The following EPB41L2 variants were observed in gnomAD, a reference collection of about 807,000 sequenced individuals.
EPB41L2 encodes erythrocyte membrane protein band 4.1 like 2.
In EPB41L2, 43 loss-of-function variants were observed where a neutral mutation model predicts 113.0. That is an observed-to-expected ratio of 0.38 (90% CI 0.30 to 0.49). EPB41L2 has a LOEUF of 0.49. EPB41L2 is among the 20% of genes least tolerant of loss of function. EPB41L2 has a pLI of 0.95. For synonymous variants in EPB41L2, 442 were observed against 436.7 expected (o/e 1.01, Z -0.15); for missense variants, 1,147 against 1,223.4 (o/e 0.94, Z 0.93).
chr6:130,961,469 G>A (rs906481315), intron 1 of EPB41L2, among the ~76,000 whole-genome samples: 1 of 152,140 alleles, frequency 6.6e-6, no homozygotes, highest in Non-Finnish European at 1.5e-5. Context: ...AAAAAAGGAG[G>A]TAAATTCTAA....
chr6:130,929,196 A>G (rs1380265032), intron 3 of EPB41L2, among the ~76,000 whole-genome samples: 1 of 152,240 alleles, frequency 6.6e-6, no homozygotes, highest in East Asian at 1.9e-4. Context: ...ACAAAGTGCT[A>G]TCAGAACACC....
intron 18 of EPB41L2, among the ~76,000 whole-genome samples, chr6:130,860,338 C>A (rs1376482264): frequency 6.6e-6 from 1 of 152,220 alleles, no homozygotes; most frequent in Non-Finnish European, 1.5e-5. Flanking sequence ...GAAATACACT[C>A]TAATTCACAG....
chr6:131,050,736 C>T (rs1022977438), intron 1 of EPB41L2, among the ~76,000 whole-genome samples: 11 of 152,208 alleles, frequency 7.2e-5, no homozygotes, highest in African/African-American at 2.7e-4. Context: ...TTACTCTAAT[C>T]CCCAAATCAT....
chr6:130,899,441 C>A (rs772562271), intron 8 of EPB41L2, 50 bp downstream of exon 8: 1 of 1,494,876 alleles, frequency 6.7e-7, no homozygotes, highest in Non-Finnish European at 9.3e-7. Context: ...CCTCTCAAAA[C>A]CTCAGTCAAC....
intron 3 of EPB41L2, among the ~76,000 whole-genome samples, chr6:130,938,710 A>G (rs146584404): frequency 1.3e-5 from 2 of 152,260 alleles, no homozygotes; most frequent in African/African-American, 4.8e-5. Context: ...CTTGGCTTCA[A>G]TAGTGAAATT....
chr6:130,958,987 C>T (rs183337640), intron 1 of EPB41L2, among the ~76,000 whole-genome samples: 3 of 152,164 alleles, frequency 2.0e-5, no homozygotes, highest in Non-Finnish European at 4.4e-5. Context: ...TTGATCTGAT[C>T]TCTGGTTGAT....
At chr6:130,987,192 G>C (rs1780763974) in intron 1 of EPB41L2, among the ~76,000 whole-genome samples, 1 of 152,196 alleles carries the variant, frequency 6.6e-6, no homozygotes, top group South Asian at 2.1e-4. Context: ...GAACATCCGT[G>C]TATAATTTAT....
At chr6:131,043,573 T>C (rs1432853539) in intron 1 of EPB41L2, among the ~76,000 whole-genome samples, 3 of 151,704 alleles carry the variant, frequency 2.0e-5, no homozygotes, top group East Asian at 3.9e-4. Flanking sequence ...ACAACAAAAA[T>C]TGCAAGGAAA....
intron 12 of EPB41L2, chr6:130,880,869 T>A (rs1236165768): frequency 1.0e-5 from 2 of 195,858 alleles, no homozygotes; most frequent in African/African-American, 4.6e-5. Context: ...TATAATGATG[T>A]AAAATTCGTT....
intron 3 of EPB41L2, among the ~76,000 whole-genome samples, chr6:130,927,533 T>C (rs1805172968): frequency 6.6e-6 from 1 of 152,234 alleles, no homozygotes; most frequent in South Asian, 2.1e-4. Flanking sequence ...GGTGCACTGA[T>C]AAAAGCCACC....
At chr6:130,893,760 G>A (rs1793708963) in intron 10 of EPB41L2, among the ~76,000 whole-genome samples, 1 of 152,220 alleles carries the variant, frequency 6.6e-6, no homozygotes, top group Non-Finnish European at 1.5e-5. Context: ...GAAGGTAAAT[G>A]TGCAAAGAGG....
intron 1 of EPB41L2, among the ~76,000 whole-genome samples, chr6:130,969,083 G>A (rs149066672): frequency 2.6e-4 from 39 of 152,112 alleles, no homozygotes; most frequent in East Asian, 1.7e-3. Flanking sequence ...TATATCATCC[G>A]TACAGGAACA....
chr6:130,867,898 T>C (rs558976886), intron 15 of EPB41L2: 57 of 345,552 alleles, frequency 1.6e-4, no homozygotes, highest in Admixed American at 8.1e-4. Flanking sequence ...TAAATTAAGA[T>C]GGTCCCAAAC....
intron 1 of EPB41L2, chr6:131,062,303 G>A (rs1798826407): frequency 6.6e-6 from 1 of 151,856 alleles, no homozygotes; most frequent in Non-Finnish European, 1.5e-5. Context: ...GTCTGCGCCT[G>A]GGGATGGCGT....
intron 4 of EPB41L2, among the ~76,000 whole-genome samples, chr6:130,923,285 A>C (rs965132315): frequency 1.3e-5 from 2 of 152,170 alleles, no homozygotes; most frequent in African/African-American, 4.8e-5. Context: ...GCCACCCATC[A>C]ACCAAAGTGA....
intron 1 of EPB41L2, among the ~76,000 whole-genome samples, chr6:130,965,658 A>AAAAG (rs1211015961): frequency 7.1e-6 from 1 of 140,444 alleles, no homozygotes. Flanking sequence ...AAAAAAAAAA[A>AAAAG]AAAGAAAGAA....
chr6:130,901,158 G>A lies in EPB41L2; in HGVS notation c.952C>T (p.Arg318Trp), dbSNP rs368404368. ...ITRYFLCLQL[R>W]QDIASGRLPC... ...AGGCGGCCAGAGGCAATGTCCTGCC[G>A]GAGCTGAAGGCACAAGAAGTATCTG... The change falls in exon 7 of 20, where the codon CGG becomes TGG. Residue 318 changes from arginine to tryptophan, a missense_variant. Physicochemically the swap from Arg to Trp is moderately radical, Grantham distance 101. Coordinates refer to ENST00000337057, the MANE Select transcript of EPB41L2 (RefSeq NM_001431.4). The A allele has an allele frequency of 3.3e-5, 54 of 1,613,556 alleles. No homozygotes were observed. The highest frequency in any genetic ancestry group is 8.3e-5 in the Admixed American group (5 of 59,996).
rs1562439219 is a variant in EPB41L2 at position 130,901,183 on chromosome 6, G to T, written c.930-3C>A. ...GGAGCTGAAGGCACAAGAAGTATCTGTGAGGAGCAGAGGGAGAAATGGGTC... is the reference window on the plus strand; with the variant it reads ...GGAGCTGAAGGCACAAGAAGTATCTTTGAGGAGCAGAGGGAGAAATGGGTC... On this transcript the variant is annotated splice_polypyrimidine_tract_variant and splice_region_variant and intron_variant, in intron 6 of 19. Coordinates refer to ENST00000337057, the MANE Select transcript of EPB41L2 (RefSeq NM_001431.4). The T allele has an allele frequency of 6.2e-7, 1 of 1,612,734 alleles. No homozygotes were observed. Among genetic ancestry groups the T allele is most frequent in the Non-Finnish European group, 8.5e-7 (1 of 1,179,810 alleles).
intron 1 of EPB41L2, among the ~76,000 whole-genome samples, chr6:130,968,651 A>G (rs1775947273): frequency 6.6e-6 from 1 of 152,122 alleles, no homozygotes; most frequent in African/African-American, 2.4e-5. Context: ...GCCTGGCTTG[A>G]TAAGAGCAAC....
Sources: allele counts gnomAD v4.1 joint callset (sites outside exome capture counted in the v4.1 genomes callset), GRCh38; gene constraint gnomAD v4.1.1; transcripts MANE v1.5; gene names NCBI Gene and HGNC (gene_info 2026-07-23, HGNC 2026-07-21).